Variants in EYS observed in about 807,000 individuals in gnomAD.
The protein encoded by EYS is EGF-like photoreceptor maintenance factor.
EYS carries 250 observed loss-of-function variants against 282.1 expected under a neutral mutation model. That is an observed-to-expected ratio of 0.89 (90% CI 0.80 to 0.98). The LOEUF is 0.98. Ranked by LOEUF, EYS falls within the 50% of genes least tolerant of loss-of-function variation. EYS has a pLI of 0.00. For missense variants in EYS, 4,016 were observed against 3,709.0 expected (o/e 1.08, Z -2.15); for synonymous variants, 1,355 against 1,282.9 (o/e 1.06, Z -1.20).
intron 31 of EYS, among the ~76,000 whole-genome samples, chr6:64,175,396 A>AG (rs1177073410): frequency 2.0e-5 from 3 of 152,198 alleles, no homozygotes; most frequent in Non-Finnish European, 4.4e-5. Context: ...GTAGTAAAGA[A>AG]GGAAAGGAGA....
chr6:64,276,073 G>C (rs556345192), intron 30 of EYS, among the ~76,000 whole-genome samples: 1 of 151,954 alleles, frequency 6.6e-6, no homozygotes, highest in South Asian at 2.1e-4. Context: ...ATACATCCCT[G>C]AGATAATCAG....
chr6:63,901,160 A>C (rs910787051), intron 35 of EYS, among the ~76,000 whole-genome samples: 4 of 152,224 alleles, frequency 2.6e-5, no homozygotes, highest in Non-Finnish European at 4.4e-5. Flanking sequence ...AGTGAATATA[A>C]AACCCCAGTG....
chr6:65,343,539 C>T (rs970684917), intron 10 of EYS, among the ~76,000 whole-genome samples: 1 of 151,138 alleles, frequency 6.6e-6, no homozygotes, highest in Admixed American at 6.6e-5. Flanking sequence ...GAGGGCCTCT[C>T]TTTTATTCTT....
intron 35 of EYS, among the ~76,000 whole-genome samples, chr6:63,892,274 C>A (rs943758184): frequency 6.6e-6 from 1 of 152,184 alleles, no homozygotes; most frequent in Non-Finnish European, 1.5e-5. Context: ...ATAGACAAGA[C>A]AATCCTAAGC....
intron 12 of EYS, among the ~76,000 whole-genome samples, chr6:65,174,897 T>C (rs958698780): frequency 6.6e-6 from 1 of 151,334 alleles, no homozygotes; most frequent in Non-Finnish European, 1.5e-5. Flanking sequence ...AAAGTTCAAA[T>C]ATTCACTCAT....
rs1582395928 is a variant in EYS at position 64,184,713 on chromosome 6, G to A, written c.6424+45879C>T. Among the ~76,000 whole-genome samples, 5 of 152,168 alleles carry A rather than the reference G, an allele frequency of 3.3e-5. No individual in the cohort carries two copies. The South Asian group carries it at 1.0e-3, about 32-fold the overall frequency. On this transcript the variant is annotated intron_variant, in intron 31 of 42. Transcript: ENST00000503581. ...AAATTTGCCTTTTGCTCCTTGTTCT[G>A]ATTTCACAAATGTAAATTGATTTCA...
chr6:65,427,972 T>C (rs1169269840), intron 5 of EYS, among the ~76,000 whole-genome samples: 1 of 152,036 alleles, frequency 6.6e-6, no homozygotes, highest in East Asian at 1.9e-4. Flanking sequence ...ATAAAGAAAA[T>C]TTCATTTTAT....
At chr6:64,984,434 T>A (rs1770783642) in intron 14 of EYS, among the ~76,000 whole-genome samples, 1 of 151,482 alleles carries the variant, frequency 6.6e-6, no homozygotes, top group Admixed American at 6.6e-5. Context: ...TTTTAAAAAA[T>A]TTTAATTGTA....
At chr6:64,820,807 C>A (rs1764875867) in intron 21 of EYS, among the ~76,000 whole-genome samples, 1 of 152,142 alleles carries the variant, frequency 6.6e-6, no homozygotes, top group South Asian at 2.1e-4. Context: ...TCACCCCTCT[C>A]TGGAAGGGCC....
chr6:64,833,713 T>A (rs1562215996), intron 19 of EYS, among the ~76,000 whole-genome samples: 1 of 151,946 alleles, frequency 6.6e-6, no homozygotes, highest in Non-Finnish European at 1.5e-5. Context: ...AGGCTTTAAT[T>A]GCCATTATTA....
At position 64,390,832 on chromosome 6, in the gene EYS, C is replaced by T. The variant is rs1490748657; in HGVS notation, c.5928-1992G>A. ...CAGACGATCAAATTACTCTGAGCTACGGGAGGACATTCAAACCAAAGGCAA... is the reference window on the plus strand; with the variant it reads ...CAGACGATCAAATTACTCTGAGCTATGGGAGGACATTCAAACCAAAGGCAA... On this transcript the variant is annotated intron_variant, in intron 28 of 42. Coordinates refer to ENST00000503581, the MANE Select transcript of EYS (RefSeq NM_001142800.2). Among the ~76,000 whole-genome samples the T allele has an allele frequency of 3.3e-3, 466 of 143,000 alleles. 7 individuals carry two copies. Among genetic ancestry groups the T allele is most frequent in the African/African-American group, 0.012 (436 of 37,892 alleles). 93.8% of individuals were successfully genotyped at this position (143,000 alleles called of 152,430 possible).
rs183973855 is a variant in EYS at position 63,965,629 on chromosome 6, A to T, written c.7055+18754T>A. ...ATGAGTAAAGAGCTTTTTCTATTTC[A>T]ATTCTAACTTGCGTAAATGATTTTC... On this transcript the variant is annotated intron_variant, in intron 35 of 42. Transcript: ENST00000503581. 3.0e-3 allele frequency among the ~76,000 whole-genome samples: 461 copies of T among 152,298 alleles called. 3 individuals are homozygous for T. The highest frequency in any genetic ancestry group is 0.011 in the African/African-American group (446 of 41,568).
intron 33 of EYS, among the ~76,000 whole-genome samples, chr6:64,037,872 A>G (rs1159158373): frequency 6.6e-6 from 1 of 152,206 alleles, no homozygotes; most frequent in Non-Finnish European, 1.5e-5. Flanking sequence ...AGTTCAGATG[A>G]GTTGAAATGT....
intron 31 of EYS, among the ~76,000 whole-genome samples, chr6:64,157,237 G>A (rs1774957966): frequency 6.6e-6 from 1 of 152,012 alleles, no homozygotes; most frequent in Admixed American, 6.5e-5. Flanking sequence ...CATTTCTTAT[G>A]GCTGCATAGT....
At chr6:64,340,052 AAT>A (rs927768360) in intron 29 of EYS, among the ~76,000 whole-genome samples, 24 of 151,842 alleles carry the variant, frequency 1.6e-4, no homozygotes, top group African/African-American at 3.1e-4. Flanking sequence ...TATGAAAAAA[AAT>A]GTTTAAATTA....
chr6:65,636,535 T>C (rs1767096488), intron 2 of EYS, among the ~76,000 whole-genome samples: 1 of 152,166 alleles, frequency 6.6e-6, no homozygotes, highest in South Asian at 2.1e-4. Flanking sequence ...CCTTGACTAT[T>C]CTGTATAAAA....
chr6:65,340,625 A>C (rs1169441636), intron 10 of EYS, among the ~76,000 whole-genome samples: 1 of 151,112 alleles, frequency 6.6e-6, no homozygotes. Flanking sequence ...GCTTTCCTTC[A>C]TAAACTCTAA....
At chr6:65,538,907 C>T (rs1467013753) in intron 2 of EYS, among the ~76,000 whole-genome samples, 1 of 152,054 alleles carries the variant, frequency 6.6e-6, no homozygotes. Flanking sequence ...AAGATATATG[C>T]CATCCTCAGG....
intron 26 of EYS, among the ~76,000 whole-genome samples, chr6:64,443,062 G>A (rs1472610181): frequency 1.3e-5 from 2 of 152,180 alleles, no homozygotes; most frequent in African/African-American, 4.8e-5. Flanking sequence ...GCCAGCCCAC[G>A]AAGGCAGCCA....
Sources: gnomAD v4.1 joint callset for allele counts (sites outside exome capture counted in the v4.1 genomes callset) on GRCh38, gnomAD v4.1.1 for gene constraint, MANE v1.5 for transcripts, NCBI Gene and HGNC (gene_info 2026-07-23, HGNC 2026-07-21) for gene names.